ASTN2: variants seen among roughly 807,000 people sequenced by gnomAD.
ASTN2 encodes the protein astrotactin-2.
A neutral mutation model predicts 139.8 loss-of-function variants in ASTN2; 54 were observed. The observed-to-expected ratio is 0.39, with a 90% CI of 0.31 to 0.48. The LOEUF is 0.48. Ranked by LOEUF, ASTN2 falls within the 20% of genes least tolerant of loss-of-function variation. The pLI, the probability that ASTN2 is intolerant of heterozygous loss-of-function variation, is 0.95. For missense variants in ASTN2, 1,565 were observed against 1,725.1 expected (o/e 0.91, Z 1.64); for synonymous variants, 756 against 719.5 (o/e 1.05, Z -0.81).
intron 16 of ASTN2, among the ~76,000 whole-genome samples, chr9:116,659,037 T>G (rs1237768325): frequency 6.6e-6 from 1 of 152,148 alleles, no homozygotes; most frequent in Admixed American, 6.6e-5. Flanking sequence ...ATTATCCCAG[T>G]AAACATATCA....
At chr9:117,362,035 C>T (rs113788458) in intron 1 of ASTN2, among the ~76,000 whole-genome samples, 2,732 of 152,200 alleles carry the variant, frequency 0.018, 38 homozygotes, top group Non-Finnish European at 0.028. Flanking sequence ...AGTGCAGTAG[C>T]GCAATCTCTG....
rs1295890100 is a variant in ASTN2 at position 117,121,983 on chromosome 9, T to C, written c.1168+19343A>G. Among the ~76,000 whole-genome samples, 4 of 152,262 alleles carry C rather than the reference T, an allele frequency of 2.6e-5. No individual in the cohort carries two copies. In the East Asian group the frequency reaches 5.8e-4, roughly 22 times the overall value. Reference sequence around the variant, plus strand: ...TCCCATCAGGCCCCTCCTCCAAAACTGGTCATATAATTTGACATGGGATTT... The same window carrying C: ...TCCCATCAGGCCCCTCCTCCAAAACCGGTCATATAATTTGACATGGGATTT... On this transcript the variant is annotated intron_variant, in intron 4 of 22. Transcript: ENST00000313400.
In ASTN2 at chr9:116,424,945, T is replaced by C. The variant is rs1319595238; in HGVS notation, c.*906A>G. Among the ~76,000 whole-genome samples, 1 of 151,996 alleles carries C rather than the reference T, an allele frequency of 6.6e-6. No homozygotes were observed. The highest frequency in any genetic ancestry group is 1.9e-4 in the East Asian group (1 of 5,166). On this transcript the variant is annotated 3_prime_UTR_variant, in exon 23 of 23. Coordinates refer to ENST00000313400, the MANE Select transcript of ASTN2 (RefSeq NM_001365068.1). Reference sequence around the variant, plus strand: ...GGCTTATTTCTACTCATCCTTTGGGTTTAGGTATCACTTTTTCAAGGAAGC... The same window carrying C: ...GGCTTATTTCTACTCATCCTTTGGGCTTAGGTATCACTTTTTCAAGGAAGC...
At chr9:117,019,172 A>G (rs781312285) in intron 6 of ASTN2, among the ~76,000 whole-genome samples, 1 of 152,064 alleles carries the variant, frequency 6.6e-6, no homozygotes, top group Non-Finnish European at 1.5e-5. Context: ...ACCATGTTGA[A>G]AGAGAGGGAG....
chr9:116,861,973 CTTTTT>C (rs56282333), intron 11 of ASTN2, among the ~76,000 whole-genome samples: 6 of 133,652 alleles, frequency 4.5e-5, no homozygotes, highest in Admixed American at 7.6e-5. Context: ...TTTCCTTCTT[CTTTTT>C]TTTTTTTTTT....
intron 2 of ASTN2, among the ~76,000 whole-genome samples, chr9:117,250,769 C>T (rs1286572880): frequency 1.3e-5 from 2 of 152,164 alleles, no homozygotes; most frequent in Non-Finnish European, 2.9e-5. Context: ...GTGGACAGTG[C>T]TTCAAATGGG....
intron 3 of ASTN2, among the ~76,000 whole-genome samples, chr9:117,212,704 A>G (rs1479354325): frequency 6.6e-6 from 1 of 152,214 alleles, no homozygotes; most frequent in Admixed American, 6.5e-5. Context: ...ATTAGTAATT[A>G]TCAGGTAAAT....
chr9:117,286,596 G>A (rs1027493828), intron 2 of ASTN2, among the ~76,000 whole-genome samples: 3 of 152,146 alleles, frequency 2.0e-5, no homozygotes, highest in Non-Finnish European at 4.4e-5. Context: ...ATAGTTAGGG[G>A]CCCATAATAG....
intron 2 of ASTN2, among the ~76,000 whole-genome samples, chr9:117,227,022 A>G (rs1193247530): frequency 6.6e-6 from 1 of 152,156 alleles, no homozygotes; most frequent in African/African-American, 2.4e-5. Context: ...TACATGAAAA[A>G]TAAGTTTCAT....
chr9:116,829,402 G>C (rs1335191990), intron 11 of ASTN2, among the ~76,000 whole-genome samples: 2 of 151,540 alleles, frequency 1.3e-5, no homozygotes, highest in Non-Finnish European at 2.9e-5. Context: ...AGTACACACT[G>C]GTAAAATGAT....
intron 20 of ASTN2, among the ~76,000 whole-genome samples, chr9:116,474,425 C>T (rs1308277394): frequency 2.6e-5 from 4 of 152,138 alleles, no homozygotes; most frequent in Non-Finnish European, 4.4e-5. Flanking sequence ...GGATGGGGGT[C>T]TGTCTTTGGA....
chr9:117,132,104 T>C (rs1489725437), intron 4 of ASTN2, among the ~76,000 whole-genome samples: 1 of 152,162 alleles, frequency 6.6e-6, no homozygotes, highest in African/African-American at 2.4e-5. Context: ...TTTCCACATA[T>C]ACAAGCAGAT....
chr9:117,254,148 A>G (rs1009193532), intron 2 of ASTN2, among the ~76,000 whole-genome samples: 1 of 152,116 alleles, frequency 6.6e-6, no homozygotes, highest in African/African-American at 2.4e-5. Flanking sequence ...CCATCTGTCA[A>G]ATGGGGCCAA....
chr9:116,934,145 A>G (rs192716230), intron 10 of ASTN2, among the ~76,000 whole-genome samples: 21 of 152,056 alleles, frequency 1.4e-4, no homozygotes, highest in Non-Finnish European at 2.5e-4. Flanking sequence ...GCTGTTGTAT[A>G]TTTGCCGAAT....
At chr9:117,207,569 C>A (rs532215133) in intron 3 of ASTN2, among the ~76,000 whole-genome samples, 1 of 152,162 alleles carries the variant, frequency 6.6e-6, no homozygotes, top group Admixed American at 6.5e-5. Context: ...ATGTCCCAGG[C>A]CTAAGAAACA....
At chr9:117,269,074 G>A (rs10983593) in intron 2 of ASTN2, among the ~76,000 whole-genome samples, 1 of 152,150 alleles carries the variant, frequency 6.6e-6, no homozygotes, top group Non-Finnish European at 1.5e-5. Context: ...ATAAATGTTT[G>A]TTTTTCTTCT....
intron 19 of ASTN2, chr9:116,611,270 T>C (rs1305689053): frequency 1.3e-5 from 2 of 152,156 alleles, no homozygotes; most frequent in Non-Finnish European, 2.9e-5. Context: ...ATCTTTGAGA[T>C]ACTACTAAAG....
At chr9:116,617,472 T>G (rs893408196) in intron 19 of ASTN2, among the ~76,000 whole-genome samples, 1 of 152,216 alleles carries the variant, frequency 6.6e-6, no homozygotes. Context: ...ATTATACTTC[T>G]TTAATTCTTT....
At chr9:116,438,976 T>C (rs555049694) in intron 22 of ASTN2, among the ~76,000 whole-genome samples, 12 of 152,174 alleles carry the variant, frequency 7.9e-5, no homozygotes, top group African/African-American at 2.9e-4. Flanking sequence ...AATCTTGGTT[T>C]GGGGCTGTGT....
Sources: gnomAD v4.1 joint callset for allele counts (sites outside exome capture counted in the v4.1 genomes callset) on GRCh38, gnomAD v4.1.1 for gene constraint, MANE v1.5 for transcripts, NCBI Gene and HGNC (gene_info 2026-07-23, HGNC 2026-07-21) for gene names.